KCNQ1: variants seen among roughly 807,000 people sequenced by gnomAD.
KCNQ1 encodes potassium voltage-gated channel subfamily Q member 1.
Under a neutral mutation model 72.4 loss-of-function variants are expected in KCNQ1, and 49 were observed. That is an observed-to-expected ratio of 0.68 (90% CI 0.54 to 0.86). KCNQ1 has a LOEUF of 0.86. KCNQ1 is among the 40% of genes least tolerant of loss of function. The pLI, the probability that KCNQ1 is intolerant of heterozygous loss-of-function variation, is 0.00. For missense variants in KCNQ1, 790 were observed against 945.1 expected (o/e 0.84, Z 2.15); for synonymous variants, 450 against 412.6 (o/e 1.09, Z -1.10).
intron 10 of KCNQ1, chr11:2,619,233 T>A (rs1041543282): frequency 2.5e-6 from 1 of 398,516 alleles, no homozygotes; most frequent in East Asian, 3.6e-5. Flanking sequence ...GTAGCTAGAG[T>A]GGGCATCCTT....
chr11:2,665,212 G>T (rs16928523), intron 11 of KCNQ1: 2 of 398,632 alleles, frequency 5.0e-6, no homozygotes, highest in Non-Finnish European at 8.8e-6. Context: ...GGCAGAAGCT[G>T]TCTTCCTAGG....
chr11:2,578,669 C>T (rs1333660650), intron 6 of KCNQ1, among the ~76,000 whole-genome samples: 8 of 152,228 alleles, frequency 5.3e-5, no homozygotes, highest in Non-Finnish European at 7.3e-5. Flanking sequence ...TGGGATGTCC[C>T]GGAGCCCCTG....
At chr11:2,788,983 G>C (rs1296394389) in intron 15 of KCNQ1, among the ~76,000 whole-genome samples, 1 of 152,122 alleles carries the variant, frequency 6.6e-6, no homozygotes, top group Non-Finnish European at 1.5e-5. Flanking sequence ...GCCTGAGGTG[G>C]GAGGTCTTCA....
Position 2,674,865 on chromosome 11 carries a change from A to T in KCNQ1, c.1514+12784A>T, listed in dbSNP as rs986265380. 11 of 380,768 alleles carry T rather than the reference A, an allele frequency of 2.9e-5. No individual in the cohort carries two copies. The highest frequency in any genetic ancestry group is 5.0e-5 in the Non-Finnish European group (11 of 221,620). The allele number at this position is 380,768 out of a possible 1,614,324, so 23.6% of individuals were successfully genotyped here. A position where few individuals can be genotyped will look rare whatever the true frequency, so the allele number is the denominator to read the frequency against. On this transcript the variant is annotated intron_variant, in intron 11 of 15. Coordinates refer to ENST00000155840, the MANE Select transcript of KCNQ1 (RefSeq NM_000218.3). The surrounding 1 kb of genome is among the most constrained non-coding windows in gnomAD (Gnocchi z 5.9). ...AAAAAAAAAAAAAAAAAAAAAGCTC[A>T]CTGGGCACCTTGGCTGCAGGGTCTG...
At position 2,457,353 on chromosome 11, in the gene KCNQ1, A is replaced by G. The variant is rs1232977263; in HGVS notation, c.386+11869A>G. Among the ~76,000 whole-genome samples the G allele has an allele frequency of 6.6e-6, 1 of 152,218 alleles. No homozygotes were observed. Among genetic ancestry groups the G allele is most frequent in the Admixed American group, 6.5e-5 (1 of 15,284 alleles). ...ACCAAAAAGACATATGCACCTAAAC[A>G]TTCATGGCAGAAAGACATGAGTCAA... On this transcript the variant is annotated intron_variant, in intron 1 of 15. Coordinates refer to ENST00000155840, the MANE Select transcript of KCNQ1 (RefSeq NM_000218.3). The surrounding 1 kb of genome is among the most constrained non-coding windows in gnomAD (Gnocchi z 5.0).
chr11:2,754,360 G>C (rs1054223230), intron 11 of KCNQ1, among the ~76,000 whole-genome samples: 4 of 152,242 alleles, frequency 2.6e-5, no homozygotes, highest in African/African-American at 9.6e-5. Flanking sequence ...GCATCCTCCA[G>C]TGGGTTTTTC....
rs1849179302 is a variant in KCNQ1 at position 2,621,947 on chromosome 11, G to C, written c.1393+33093G>C. The C allele has an allele frequency of 2.5e-6, 1 of 397,974 alleles. No individual in the cohort carries two copies. The highest frequency in any genetic ancestry group is 2.1e-5 in the African/African-American group (1 of 48,496). 24.7% of individuals were successfully genotyped at this position (397,974 alleles called of 1,614,324 possible). ...TTTGTTCTTCTTTTTCTAATTCCTT[G>C]AGGTACAATTTTGGGCTATTTGAAA... On this transcript the variant is annotated intron_variant, in intron 10 of 15. Transcript: ENST00000155840. The surrounding 1 kb of genome is among the most constrained non-coding windows in gnomAD (Gnocchi z 5.7).
At chr11:2,634,386 T>A (rs965035781) in intron 10 of KCNQ1, 5 of 227,128 alleles carry the variant, frequency 2.2e-5, no homozygotes, top group African/African-American at 1.2e-4. Flanking sequence ...CGTCCAAGTG[T>A]TCTCATTGTT....
chr11:2,570,866 C>A, intron 3 of KCNQ1, 112 bp downstream of exon 3: 1 of 1,478,444 alleles, frequency 6.8e-7, no homozygotes, highest in Non-Finnish European at 9.3e-7. Flanking sequence ...AACCCCAAGG[C>A]CAGCAGGGGG....
intron 11 of KCNQ1, chr11:2,675,449 T>G: frequency 2.5e-6 from 1 of 398,632 alleles, no homozygotes; most frequent in Non-Finnish European, 4.4e-6. Flanking sequence ...AAAGATGATC[T>G]GAAAATGGAA....
At position 2,451,478 on chromosome 11, in the gene KCNQ1, C is replaced by T. The variant is rs531774313; in HGVS notation, c.386+5994C>T. On this transcript the variant is annotated intron_variant, in intron 1 of 15. Coordinates refer to ENST00000155840, the MANE Select transcript of KCNQ1 (RefSeq NM_000218.3). This position sits in a 1 kb window ranked among gnomAD's most constrained non-coding sequence, Gnocchi z 6.4. The stretch of plus-strand genomic sequence containing the variant: ...TGTCTTAGAGGATTGAGGCTCGGGG[C>T]CATGGGATCGGCACTGTCATTGCCC... Among the ~76,000 whole-genome samples the T allele has an allele frequency of 6.6e-6, 1 of 152,306 alleles. No homozygotes were observed. The highest frequency in any genetic ancestry group is 2.1e-4 in the South Asian group (1 of 4,826).
At chr11:2,461,450 C>A in intron 1 of KCNQ1, 1 of 1,286,234 alleles carries the variant, frequency 7.8e-7, no homozygotes, top group Non-Finnish European at 1.0e-6. Flanking sequence ...TCCCTTCCTC[C>A]CCTGCAGCTT....
chr11:2,679,405 T>TGTAA lies in KCNQ1; in HGVS notation c.1514+17324_1514+17325insGTAA. 2.5e-6 allele frequency: 1 copy of TGTAA among 398,652 alleles called. No individual in the cohort carries two copies. Among genetic ancestry groups the TGTAA allele is most frequent in the South Asian group, 1.3e-4 (1 of 7,862 alleles). 24.7% of individuals were successfully genotyped at this position (398,652 alleles called of 1,614,324 possible). A position where few individuals can be genotyped will look rare whatever the true frequency, so the allele number is the denominator to read the frequency against. Reference sequence around the variant, plus strand: ...AGTTTCTTTATTTGTAAAATGGGAATCATAAGAGTACCTTCCTCAGAGGGT... The same window carrying TGTAA: ...AGTTTCTTTATTTGTAAAATGGGAATGTAACATAAGAGTACCTTCCTCAGAGGGT... On this transcript the variant is annotated intron_variant, in intron 11 of 15. Coordinates refer to ENST00000155840, the MANE Select transcript of KCNQ1 (RefSeq NM_000218.3). The surrounding 1 kb of genome is among the most constrained non-coding windows in gnomAD (Gnocchi z 4.8).
chr11:2,822,669 G>A (rs1847761994), intron 15 of KCNQ1, among the ~76,000 whole-genome samples: 1 of 152,220 alleles, frequency 6.6e-6, no homozygotes, highest in African/African-American at 2.4e-5. Context: ...GGCCTGGTCT[G>A]TGGGTCTGAG....
intron 1 of KCNQ1, among the ~76,000 whole-genome samples, chr11:2,456,865 G>T (rs1332937123): frequency 3.4e-5 from 5 of 147,790 alleles, no homozygotes; most frequent in African/African-American, 1.3e-4. Flanking sequence ...CGTGAACCCA[G>T]GAGACGGAGC....
Position 2,588,684 on chromosome 11 carries a change from C to T in KCNQ1, c.1252-29C>T. The T allele has an allele frequency of 1.2e-6, 2 of 1,612,254 alleles. No individual in the cohort carries two copies. The highest frequency in any genetic ancestry group is 1.7e-6 in the Non-Finnish European group (2 of 1,179,930). Reference sequence around the variant, plus strand: ...GGGCCTGGCAGACGATGTCCAGGAACCGCTAATCTGTTGTCTTGTTTTTTT... The same window carrying T: ...GGGCCTGGCAGACGATGTCCAGGAATCGCTAATCTGTTGTCTTGTTTTTTT... On this transcript the variant is annotated intron_variant, in intron 9 of 15. Transcript: ENST00000155840. This position sits in a 1 kb window ranked among gnomAD's most constrained non-coding sequence, Gnocchi z 5.6.
intron 1 of KCNQ1, among the ~76,000 whole-genome samples, chr11:2,524,080 AG>A (rs1200513030): frequency 4.0e-5 from 6 of 151,744 alleles, no homozygotes; most frequent in Non-Finnish European, 8.8e-5. Flanking sequence ...GTGAGAGGGG[AG>A]GTTGTCCTGG....
At chr11:2,510,612 A>G (rs1011008389) in intron 1 of KCNQ1, among the ~76,000 whole-genome samples, 31 of 152,362 alleles carry the variant, frequency 2.0e-4, no homozygotes, top group African/African-American at 7.5e-4. Flanking sequence ...TCTCAAAGGA[A>G]CAAACAAGGC....
chr11:2,582,656 T>C (rs1468835328), intron 6 of KCNQ1, among the ~76,000 whole-genome samples: 1 of 152,198 alleles, frequency 6.6e-6, no homozygotes, highest in African/African-American at 2.4e-5. Flanking sequence ...GGCAGGAGCC[T>C]GTGTGTCCAC....
Sources: allele counts gnomAD v4.1 joint callset (sites outside exome capture counted in the v4.1 genomes callset), GRCh38; gene constraint gnomAD v4.1.1; non-coding constraint Gnocchi (gnomAD v3.1); transcripts MANE v1.5; gene names NCBI Gene and HGNC (gene_info 2026-07-23, HGNC 2026-07-21).